Variants in HIVEP3 observed in about 807,000 individuals in gnomAD.
HIVEP3 encodes the protein HIVEP zinc finger 3.
In HIVEP3, 49 loss-of-function variants were observed where a neutral mutation model predicts 152.8. That is an observed-to-expected ratio of 0.32 (90% CI 0.26 to 0.41). The LOEUF (loss-of-function observed/expected upper bound fraction) is 0.41. HIVEP3 is among the 10% of genes least tolerant of loss of function. HIVEP3 has a pLI of 1.00. For missense variants in HIVEP3, 2,790 were observed against 3,103.3 expected (o/e 0.90, Z 2.40); for synonymous variants, 1,269 against 1,289.0 (o/e 0.98, Z 0.33).
intron 1 of HIVEP3, among the ~76,000 whole-genome samples, chr1:41,807,959 G>A (rs971223087): frequency 2.0e-5 from 3 of 152,158 alleles, no homozygotes; most frequent in African/African-American, 7.2e-5. Context: ...AGCCCATGCT[G>A]ACTTTCCTTA....
At chr1:41,822,181 A>G (rs1642625866) in intron 1 of HIVEP3, among the ~76,000 whole-genome samples, 2 of 152,044 alleles carry the variant, frequency 1.3e-5, no homozygotes, top group Admixed American at 1.3e-4. Context: ...CTCTCTCTTC[A>G]TGTGATCTCT....
chr1:41,671,317 A>G (rs1430870983), intron 2 of HIVEP3, among the ~76,000 whole-genome samples: 1 of 152,230 alleles, frequency 6.6e-6, no homozygotes, highest in Non-Finnish European at 1.5e-5. Flanking sequence ...CGAAGCCTAG[A>G]TGAAGTCGCA....
At chr1:41,991,418 G>A (rs949950536) in intron 1 of HIVEP3, among the ~76,000 whole-genome samples, 50 of 151,344 alleles carry the variant, frequency 3.3e-4, no homozygotes, top group African/African-American at 1.1e-3. Context: ...TAAATTCCTC[G>A]ACACATACAC....
At chr1:41,976,091 C>T (rs1027335378) in intron 1 of HIVEP3, among the ~76,000 whole-genome samples, 4 of 151,832 alleles carry the variant, frequency 2.6e-5, no homozygotes, top group African/African-American at 9.7e-5. Context: ...ACCACGCTTA[C>T]GTCTACATCT....
intron 1 of HIVEP3, among the ~76,000 whole-genome samples, chr1:41,793,760 G>T (rs1253219100): frequency 6.6e-6 from 1 of 152,188 alleles, no homozygotes; most frequent in African/African-American, 2.4e-5. Context: ...TGCCCAGAAG[G>T]GTCTTAGCAT....
chr1:41,715,460 T>G (rs1291482009), intron 1 of HIVEP3, among the ~76,000 whole-genome samples: 1 of 152,022 alleles, frequency 6.6e-6, no homozygotes, highest in Non-Finnish European at 1.5e-5. Flanking sequence ...GGATGGGGAC[T>G]GGGGGTCCTC....
chr1:41,739,517 G>C (rs540845232), intron 1 of HIVEP3, among the ~76,000 whole-genome samples: 1 of 152,156 alleles, frequency 6.6e-6, no homozygotes, highest in African/African-American at 2.4e-5. Context: ...CGAGACTCAG[G>C]GAGGGTGAGT....
intron 2 of HIVEP3, among the ~76,000 whole-genome samples, chr1:41,697,615 G>T (rs1259482376): frequency 6.6e-6 from 1 of 152,170 alleles, no homozygotes; most frequent in African/African-American, 2.4e-5. Flanking sequence ...CGAGTTGGCT[G>T]GAGAGGCTGC....
At position 41,856,886 on chromosome 1, in the gene HIVEP3, A is replaced by G. The variant is rs115411871; in HGVS notation, c.-801+61527T>C. ...TGTGGGATGCCTGGGGTTGCAAAAG[A>G]AAAGTTATTTCAGGTTCAACTGAGT... On this transcript the variant is annotated intron_variant, in intron 1 of 8. Transcript: ENST00000372583. 5.0e-3 allele frequency among the ~76,000 whole-genome samples: 765 copies of G among 152,260 alleles called. 6 individuals are homozygous for G. The highest frequency in any genetic ancestry group is 0.018 in the African/African-American group (740 of 41,544).
intron 1 of HIVEP3, among the ~76,000 whole-genome samples, chr1:41,809,972 A>G (rs1650855409): frequency 6.6e-6 from 1 of 152,176 alleles, no homozygotes; most frequent in Non-Finnish European, 1.5e-5. Context: ...TGATGAAGAG[A>G]ACAGTGTACA....
intron 5 of HIVEP3, among the ~76,000 whole-genome samples, chr1:41,527,435 AC>A (rs1643022232): frequency 1.3e-5 from 1 of 79,654 alleles, no homozygotes; most frequent in Non-Finnish European, 2.5e-5. Flanking sequence ...CACACTCCAC[AC>A]CCCACCCTCA....
At chr1:41,912,591 T>G (rs1031774490) in intron 1 of HIVEP3, among the ~76,000 whole-genome samples, 2 of 152,208 alleles carry the variant, frequency 1.3e-5, no homozygotes, top group Non-Finnish European at 2.9e-5. Context: ...CCAGGGCACA[T>G]TATGCTCTGG....
chr1:41,944,592 C>G (rs1455350182), intron 1 of HIVEP3, among the ~76,000 whole-genome samples: 5 of 152,164 alleles, frequency 3.3e-5, no homozygotes, highest in Non-Finnish European at 1.5e-5. Flanking sequence ...AGCACAAACG[C>G]AATGTTGGAC....
chr1:41,779,003 T>C (rs1334705350), intron 1 of HIVEP3, among the ~76,000 whole-genome samples: 3 of 152,188 alleles, frequency 2.0e-5, no homozygotes, highest in African/African-American at 4.8e-5. Context: ...GAGACCAGTG[T>C]GGCTGAAGGG....
intron 2 of HIVEP3, among the ~76,000 whole-genome samples, chr1:41,633,545 G>C (rs929460772): frequency 1.8e-4 from 27 of 152,136 alleles, no homozygotes; most frequent in African/African-American, 6.0e-4. Context: ...GCCTTCAACT[G>C]CATGACTTTA....
At chr1:41,835,877 T>C (rs1244576634) in intron 1 of HIVEP3, among the ~76,000 whole-genome samples, 2 of 152,158 alleles carry the variant, frequency 1.3e-5, no homozygotes, top group African/African-American at 4.8e-5. Flanking sequence ...CAAGTCACTA[T>C]AGATAGAGTA....
intron 2 of HIVEP3, among the ~76,000 whole-genome samples, chr1:41,673,517 A>T (rs1645908147): frequency 6.6e-6 from 1 of 152,158 alleles, no homozygotes; most frequent in African/African-American, 2.4e-5. Flanking sequence ...CAGGCAGTGC[A>T]CCAGACCACG....
At chr1:41,627,474 C>T (rs375279647) in intron 3 of HIVEP3, among the ~76,000 whole-genome samples, 5 of 152,122 alleles carry the variant, frequency 3.3e-5, no homozygotes, top group Non-Finnish European at 4.4e-5. Context: ...ATCCAGGGAA[C>T]GATTCCTTTA....
Position 41,584,648 on chromosome 1 carries a change from G to C in HIVEP3, c.150C>G (p.Ala50=). 6.3e-7 allele frequency: 1 copy of C among 1,599,140 alleles called. No individual in the cohort carries two copies. Among genetic ancestry groups the C allele is most frequent in the Non-Finnish European group, 8.5e-7 (1 of 1,172,026 alleles). Residue 50 remains alanine (A), a synonymous_variant, in exon 4 of 9, where the codon GCC becomes GCG. Transcript: ENST00000372583. This position sits in a 1 kb window ranked among gnomAD's most constrained non-coding sequence, Gnocchi z 5.2. ...AGGGCTGCGGGGCTAAGAGCTCTTG[G>C]GCGGGGCTCTCTTGGGTGGCAGCTG... ...SGTAATQESP[A]QELLAPQPFP... is the part of the protein sequence containing the mutation.
Sources: allele counts gnomAD v4.1 joint callset (sites outside exome capture counted in the v4.1 genomes callset), GRCh38; gene constraint gnomAD v4.1.1; non-coding constraint Gnocchi (gnomAD v3.1); transcripts MANE v1.5; gene names NCBI Gene and HGNC (gene_info 2026-07-23, HGNC 2026-07-21).